ZC3H12D: variants seen among roughly 807,000 people sequenced by gnomAD.
ZC3H12D encodes zinc finger CCCH-type containing 12D.
Under a neutral mutation model 24.2 loss-of-function variants are expected in ZC3H12D, and 11 were observed. The observed-to-expected ratio is 0.46, with a 90% CI of 0.29 to 0.75. The LOEUF is 0.75. ZC3H12D is among the 30% of genes least tolerant of loss of function. The pLI, the probability that ZC3H12D is intolerant of heterozygous loss-of-function variation, is 0.11. For synonymous variants in ZC3H12D, 333 were observed against 341.8 expected, an observed-to-expected ratio of 0.97 and a Z score of 0.28; for missense variants, 740 against 767.7, an observed-to-expected ratio of 0.96 and a Z score of 0.43.
chr6:149,465,206 T>C (rs1198795958), intron 2 of ZC3H12D, among the ~76,000 whole-genome samples: 2 of 151,812 alleles, frequency 1.3e-5, no homozygotes, highest in African/African-American at 4.8e-5. Flanking sequence ...ATACAAAAAT[T>C]AGCTGGGTGT....
rs1049321834 is a variant in ZC3H12D, at chr6:149,447,764, C to T, written c.*2919G>A. The T allele has an allele frequency of 6.6e-6, 1 of 152,152 alleles. No homozygotes were observed. The highest frequency in any genetic ancestry group is 1.9e-4 in the East Asian group (1 of 5,206). The allele number at this position is 152,152 out of a possible 1,614,324, so 9.4% of individuals were successfully genotyped here. On this transcript the variant is annotated 3_prime_UTR_variant, in exon 6 of 6. Transcript: ENST00000409806. ...TTTGGAAAAATTCCAAAGGGGATTA[C>T]ACTTGAAATGTGCTGTGTTTTCACT... is the stretch of plus-strand genomic sequence containing the variant.
intron 2 of ZC3H12D, among the ~76,000 whole-genome samples, chr6:149,472,357 G>T (rs1776259573): frequency 6.6e-6 from 1 of 152,118 alleles, no homozygotes; most frequent in Admixed American, 6.5e-5. Context: ...GTGTGTGTGT[G>T]TCCATATATG....
At chr6:149,484,570 A>C (rs923841679) in intron 1 of ZC3H12D, among the ~76,000 whole-genome samples, 1 of 152,238 alleles carries the variant, frequency 6.6e-6, no homozygotes, top group Non-Finnish European at 1.5e-5. Context: ...AATTTTGCTA[A>C]AATGAGCAAG....
At chr6:149,463,919 G>T (rs571288413) in intron 2 of ZC3H12D, among the ~76,000 whole-genome samples, 1 of 152,200 alleles carries the variant, frequency 6.6e-6, no homozygotes. Context: ...AAGGAACAGG[G>T]TTAGAGGGAA....
At chr6:149,463,610 G>A (rs1381678560) in intron 2 of ZC3H12D, among the ~76,000 whole-genome samples, 1 of 152,236 alleles carries the variant, frequency 6.6e-6, no homozygotes, top group Non-Finnish European at 1.5e-5. Flanking sequence ...TCAGGGGGCT[G>A]AGGCAGGAGA....
At chr6:149,478,522 T>G (rs558091942) in intron 1 of ZC3H12D, among the ~76,000 whole-genome samples, 1 of 152,196 alleles carries the variant, frequency 6.6e-6, no homozygotes, top group Admixed American at 6.6e-5. Context: ...TCTAATAAAG[T>G]ACATATCCAG....
chr6:149,465,555 G>A (rs193104144), intron 2 of ZC3H12D, among the ~76,000 whole-genome samples: 1 of 152,038 alleles, frequency 6.6e-6, no homozygotes, highest in African/African-American at 2.4e-5. Flanking sequence ...GAGATCGAGA[G>A]CATCCTGGCT....
chr6:149,456,870 T>A lies in ZC3H12D; in HGVS notation c.476A>T (p.Gln159Leu). ...EQHVLAELER[Q>L]AVLVYTPSRK... is the part of the protein sequence containing the mutation. ...GGACGGCGTGTACACCAGCACCGCC[T>A]GCCGCTCCAGCTCCGCCAGCACGTG... The change falls in exon 4 of 6, where the codon CAG (glutamine) becomes CTG (leucine). Residue 159 changes from glutamine to leucine, a missense_variant. By Grantham distance (113) the Gln-to-Leu change is moderately radical. Transcript: ENST00000409806. This position sits in a 1 kb window ranked among gnomAD's most constrained non-coding sequence, Gnocchi z 4.3. 2 of 1,605,114 alleles carry A rather than the reference T, an allele frequency of 1.2e-6. No individual in the cohort carries two copies. Among genetic ancestry groups the A allele is most frequent in the Non-Finnish European group, 1.7e-6 (2 of 1,179,032 alleles).
intron 4 of ZC3H12D, among the ~76,000 whole-genome samples, chr6:149,455,086 G>A (rs933311578): frequency 6.6e-6 from 1 of 152,184 alleles, no homozygotes; most frequent in African/African-American, 2.4e-5. Context: ...CAGAGAGGTT[G>A]AGTGGTTCCC....
intron 1 of ZC3H12D, among the ~76,000 whole-genome samples, chr6:149,484,151 C>T (rs1443882893): frequency 6.6e-6 from 1 of 152,184 alleles, no homozygotes; most frequent in African/African-American, 2.4e-5. Context: ...GGGATGGGCA[C>T]CCCACGATTG....
rs531990813 is a variant in ZC3H12D, at chr6:149,451,205, G to C, written c.1062C>G (p.Asp354Glu). 2 of 1,310,026 alleles carry C rather than the reference G, an allele frequency of 1.5e-6. No homozygotes were observed. The highest frequency in any genetic ancestry group is 2.4e-5 in the South Asian group (1 of 42,376). 81.2% of individuals were successfully genotyped at this position (1,310,026 alleles called of 1,614,324 possible). The change falls in exon 6 of 6, where the codon GAC becomes GAG. Residue 354 changes from aspartate to glutamate, a missense_variant. Coordinates refer to ENST00000409806, the MANE Select transcript of ZC3H12D (RefSeq NM_207360.3). ...GGAGAGGCGGCCCCAGGGGCCCCAG[G>C]TCGTCGCTGAAGGCCAGCCGAGAGA... ...GSFSRLAFSD[D>E]LGPLGPPLPV...
chr6:149,447,246 C>CTT lies in ZC3H12D; in HGVS notation c.*3435_*3436dup, dbSNP rs758429398. On this transcript the variant is annotated 3_prime_UTR_variant, in exon 6 of 6. Transcript: ENST00000409806. ...ACAACCTCAGTCTTCTTCACGCCTA[C>CTT]TTTTTTTTGTTTTTTGAGACAGAGT... 1.3e-5 allele frequency: 2 copies of CTT among 152,092 alleles called. No homozygotes were observed. 9.4% of individuals were successfully genotyped at this position (152,092 alleles called of 1,614,324 possible).
At chr6:149,467,254 C>CTT in intron 2 of ZC3H12D, among the ~76,000 whole-genome samples, 1 of 149,656 alleles carries the variant, frequency 6.7e-6, no homozygotes, top group South Asian at 2.1e-4. Flanking sequence ...TCTTGGAGCT[C>CTT]TTTTTTTTTT....
At chr6:149,464,197 C>T (rs1033642042) in intron 2 of ZC3H12D, among the ~76,000 whole-genome samples, 3 of 152,008 alleles carry the variant, frequency 2.0e-5, no homozygotes, top group Non-Finnish European at 2.9e-5. Context: ...TCAGGAGGGA[C>T]GGATCTGAGA....
intron 4 of ZC3H12D, among the ~76,000 whole-genome samples, chr6:149,453,793 C>T (rs1172427715): frequency 1.3e-5 from 2 of 152,100 alleles, no homozygotes; most frequent in Non-Finnish European, 2.9e-5. Flanking sequence ...GTAGTTCCAG[C>T]TACTAGAAAA....
In ZC3H12D at chr6:149,447,751, C is replaced by T. The variant is rs1775807550; in HGVS notation, c.*2932G>A. On this transcript the variant is annotated 3_prime_UTR_variant, in exon 6 of 6. Coordinates refer to ENST00000409806, the MANE Select transcript of ZC3H12D (RefSeq NM_207360.3). ...CATATACTAAGACTTTGGAAAAATT[C>T]CAAAGGGGATTACACTTGAAATGTG... 1 of 152,034 alleles carries T rather than the reference C, an allele frequency of 6.6e-6. No homozygotes were observed. Among genetic ancestry groups the T allele is most frequent in the Non-Finnish European group, 1.5e-5 (1 of 68,018 alleles). 9.4% of individuals were successfully genotyped at this position (152,034 alleles called of 1,614,324 possible).
In ZC3H12D at chr6:149,474,528, T is replaced by G; in HGVS notation, c.16A>C (p.Lys6Gln). The G allele has an allele frequency of 6.5e-7, 1 of 1,530,542 alleles. No homozygotes were observed. The allele number at this position is 1,530,542 out of a possible 1,614,324, so 94.8% of individuals were successfully genotyped here. The part of the protein sequence containing the change: MEHPS[K>Q]MEFFQKLGYD... ...CCCAGCTTCTGGAAGAATTCCATCTTGCTGGGGTGCTCCATGCTGTGCCCA... is the reference window on the plus strand; with the variant it reads ...CCCAGCTTCTGGAAGAATTCCATCTGGCTGGGGTGCTCCATGCTGTGCCCA... Residue 6 changes from lysine to glutamine, a missense_variant, in exon 2 of 6, where the codon AAG (lysine) becomes CAG (glutamine). By Grantham distance (53) the Lys-to-Gln change is moderately conservative. Transcript: ENST00000409806.
At position 149,461,903 on chromosome 6, in the gene ZC3H12D, C is replaced by T; in HGVS notation, c.373G>A (p.Gly125Arg). The change falls in exon 3 of 6, where the codon GGA becomes AGA. Residue 125 changes from glycine (G) to arginine (R), a missense_variant. Gly to Arg is a moderately radical substitution (Grantham distance 125). Transcript: ENST00000409806. ...KLAVDWFRDRGHTYIKVFVPS... is the reference protein window; with the variant it reads ...KLAVDWFRDRRHTYIKVFVPS... ...ACAAAAACTTTGATGTAGGTGTGTC[C>T]TCTGTCCCTGAACCAGTCAACAGCC... 1.2e-6 allele frequency: 2 copies of T among 1,608,594 alleles called. No homozygotes were observed. The highest frequency in any genetic ancestry group is 1.7e-6 in the Non-Finnish European group (2 of 1,177,642).
intron 2 of ZC3H12D, among the ~76,000 whole-genome samples, chr6:149,465,225 G>A (rs928185860): frequency 1.3e-5 from 2 of 151,708 alleles, no homozygotes; most frequent in African/African-American, 4.8e-5. Context: ...GTGGTGGCAC[G>A]TGCCTGTAAT....
Sources: allele counts gnomAD v4.1 joint callset (sites outside exome capture counted in the v4.1 genomes callset), GRCh38; gene constraint gnomAD v4.1.1; non-coding constraint Gnocchi (gnomAD v3.1); transcripts MANE v1.5; gene names NCBI Gene and HGNC (gene_info 2026-07-23, HGNC 2026-07-21).